Variants in WDR86 observed in about 807,000 individuals in gnomAD.
WDR86 encodes WD repeat-containing protein 86.
Under a neutral mutation model 36.5 loss-of-function variants are expected in WDR86, and 30 were observed. The observed-to-expected ratio is 0.82, with a 90% confidence interval of 0.61 to 1.11. WDR86 has a LOEUF of 1.11. Among genes scored for constraint, WDR86 ranks in the 50% most tolerant of loss-of-function variants. The probability of loss-of-function intolerance (pLI) is 0.00; values close to 1 mark genes in which losing one functional copy is unlikely to be tolerated. For synonymous variants in WDR86, 255 were observed against 252.9 expected (o/e 1.01, Z -0.08); for missense variants, 545 against 561.2 (o/e 0.97, Z 0.29).
intron 1 of WDR86, 31 bp from the exon 2 acceptor site, chr7:151,400,272 G>A (rs769303165): frequency 1.6e-5 from 25 of 1,529,844 alleles, no homozygotes; most frequent in South Asian, 1.5e-4. Context: ...AGATGTGAGC[G>A]TACTGGGGAT....
intron 3 of WDR86, among the ~76,000 whole-genome samples, chr7:151,393,426 C>T (rs1477510395): frequency 6.6e-6 from 1 of 152,126 alleles, no homozygotes; most frequent in African/African-American, 2.4e-5. Context: ...ACAGAATACC[C>T]CAGGGAGCGA....
intron 1 of WDR86, among the ~76,000 whole-genome samples, chr7:151,404,432 C>G (rs1011795735): frequency 1.3e-5 from 2 of 152,162 alleles, no homozygotes; most frequent in Non-Finnish European, 2.9e-5. Context: ...GCCAGGCCAA[C>G]AGAGCATGTC....
Position 151,394,280 on chromosome 7 carries a change from G to A in WDR86, c.726+1496C>T, listed in dbSNP as rs988526184. 2.6e-5 allele frequency among the ~76,000 whole-genome samples: 4 copies of A among 152,156 alleles called. No individual in the cohort carries two copies. In the South Asian group the frequency reaches 6.2e-4, roughly 24 times the overall value. The stretch of plus-strand genomic sequence containing the variant: ...GGGACCTGGGTGACCCTCCCTCCAC[G>A]CGAATGTGAGCCCTTCCCTGCTCCC... On this transcript the variant is annotated intron_variant, in intron 3 of 5. Coordinates refer to ENST00000334493, the MANE Select transcript of WDR86 (RefSeq NM_198285.3).
chr7:151,379,287 G>A (rs1434312902), downstream of WDR86, among the ~76,000 whole-genome samples: 3 of 152,166 alleles, frequency 2.0e-5, no homozygotes, highest in South Asian at 2.1e-4. Context: ...GAGTGGGCAT[G>A]GGCGTGTAGC....
chr7:151,379,388 G>A (rs368869034), downstream of WDR86, among the ~76,000 whole-genome samples: 10 of 152,290 alleles, frequency 6.6e-5, no homozygotes, highest in African/African-American at 2.4e-4. Context: ...CTGTCCTTGT[G>A]TTCCTGCCCA....
At chr7:151,403,844 T>C (rs537154457) in intron 1 of WDR86, among the ~76,000 whole-genome samples, 16 of 152,290 alleles carry the variant, frequency 1.1e-4, no homozygotes, top group South Asian at 2.1e-4. Context: ...AGCAGAGAGA[T>C]TGCGGCTGGA....
rs551152986 is a variant in WDR86, at chr7:151,381,277, G to A, written c.*305C>T. 7,515 of 1,312,352 alleles carry A rather than the reference G, an allele frequency of 5.7e-3. 33 individuals carry two copies. Among genetic ancestry groups the A allele is most frequent in the Middle Eastern group, 0.011 (39 of 3,538 alleles). 81.3% of individuals were successfully genotyped at this position (1,312,352 alleles called of 1,614,324 possible). ...GGGGCTGGGGGAGCTGGGGCAGTCC[G>A]CCTGCAGCCCCTGAGGTGGGAGGGT... On this transcript the variant is annotated 3_prime_UTR_variant, in exon 6 of 6. Coordinates refer to ENST00000334493, the MANE Select transcript of WDR86 (RefSeq NM_198285.3). The surrounding 1 kb of genome is among the most constrained non-coding windows in gnomAD (Gnocchi z 4.8).
intron 2 of WDR86, among the ~76,000 whole-genome samples, chr7:151,397,724 G>A (rs1799946706): frequency 9.3e-6 from 1 of 108,080 alleles, no homozygotes; most frequent in Non-Finnish European, 1.8e-5. Context: ...ATAGCGGGAG[G>A]AAGAGGGTGT....
chr7:151,408,970 C>T (rs1563071429), intron 1 of WDR86: 1 of 474,244 alleles, frequency 2.1e-6, no homozygotes, highest in Non-Finnish European at 4.4e-6. Flanking sequence ...TGGCCCTTAA[C>T]AAGCGTCTAC....
chr7:151,402,140 T>G (rs1027038459), intron 1 of WDR86, among the ~76,000 whole-genome samples: 2 of 140,738 alleles, frequency 1.4e-5, no homozygotes, highest in African/African-American at 5.5e-5. Flanking sequence ...TGTGATATAC[T>G]CGGAAGAGGA....
At chr7:151,407,981 C>G (rs138023712) in intron 1 of WDR86, among the ~76,000 whole-genome samples, 10 of 152,202 alleles carry the variant, frequency 6.6e-5, no homozygotes, top group African/African-American at 2.2e-4. Flanking sequence ...TGTTTGGGAG[C>G]AATACCAACT....
intron 3 of WDR86, among the ~76,000 whole-genome samples, chr7:151,389,565 G>A (rs75360183): frequency 0.036 from 5,483 of 152,216 alleles, 350 homozygotes; most frequent in African/African-American, 0.12. Flanking sequence ...TTTCAGAGGC[G>A]ACACAATGGG....
chr7:151,383,747 C>T (rs73727162), intron 4 of WDR86, among the ~76,000 whole-genome samples: 1,903 of 152,316 alleles, frequency 0.012, 43 homozygotes, highest in African/African-American at 0.043. Context: ...CTGGAAAACC[C>T]AGTGTGGCTG....
chr7:151,409,517 G>T lies in WDR86; in HGVS notation c.73C>A (p.Pro25Thr). Reference sequence around the variant, plus strand: ...CCCGTCAGCAGGCGCTGCCCGTCGGGGCTCAGGCTCAGCCAGTTGATGCCC... The same window carrying T: ...CCCGTCAGCAGGCGCTGCCCGTCGGTGCTCAGGCTCAGCCAGTTGATGCCC... ...RGGINWLSLS[P>T]DGQRLLTGSE... Residue 25 changes from proline (P) to threonine (T), a missense_variant, in exon 1 of 6, where the codon CCC becomes ACC. Physicochemically the swap from Pro to Thr is conservative, Grantham distance 38. Transcript: ENST00000334493. This position sits in a 1 kb window ranked among gnomAD's most constrained non-coding sequence, Gnocchi z 5.2. 8 of 1,530,928 alleles carry T rather than the reference G, an allele frequency of 5.2e-6. No homozygotes were observed. The highest frequency in any genetic ancestry group is 7.0e-6 in the Non-Finnish European group (8 of 1,144,734). 94.8% of individuals were successfully genotyped at this position (1,530,928 alleles called of 1,614,324 possible).
intron 1 of WDR86, among the ~76,000 whole-genome samples, chr7:151,407,655 A>G (rs1422355086): frequency 6.6e-6 from 1 of 152,180 alleles, no homozygotes; most frequent in African/African-American, 2.4e-5. Context: ...CCTGGCCAAC[A>G]TGATGAAGCC....
At chr7:151,393,770 T>C (rs1297433707) in intron 3 of WDR86, among the ~76,000 whole-genome samples, 2 of 151,898 alleles carry the variant, frequency 1.3e-5, no homozygotes, top group African/African-American at 2.4e-5. Flanking sequence ...TGCCCCCAGC[T>C]CTTTACGAGT....
In WDR86 at chr7:151,382,723, G is replaced by A. The variant is rs184755272; in HGVS notation, c.863-742C>T. ...TCACTTGGCCTAGGCTGGGCTCTCC[G>A]AAGCCGACCCTGATGCTAGGACTTG... On this transcript the variant is annotated intron_variant, in intron 4 of 5. Transcript: ENST00000334493. Among the ~76,000 whole-genome samples the A allele has an allele frequency of 2.0e-4, 30 of 152,292 alleles. No individual in the cohort carries two copies. The East Asian group carries it at 4.8e-3, about 24-fold the overall frequency.
In WDR86 at chr7:151,390,571, G is replaced by A. The variant is rs1052288635; in HGVS notation, c.726+5205C>T. The stretch of plus-strand genomic sequence containing the variant: ...CAGTCCCACTGGCAGGCATATACCC[G>A]AGAACTGAAGGCAGGATGCACCCAG... On this transcript the variant is annotated intron_variant, in intron 3 of 5. Coordinates refer to ENST00000334493, the MANE Select transcript of WDR86 (RefSeq NM_198285.3). The surrounding 1 kb of genome is among the most constrained non-coding windows in gnomAD (Gnocchi z 4.5). 2.0e-5 allele frequency among the ~76,000 whole-genome samples: 3 copies of A among 152,214 alleles called. No homozygotes were observed. The highest frequency in any genetic ancestry group is 2.9e-5 in the Non-Finnish European group (2 of 68,036).
In WDR86 at chr7:151,395,923, CGT is replaced by C. The variant is rs769453031; in HGVS notation, c.577_578del (p.Thr193GlyfsTer269). 29 of 1,597,852 alleles carry C rather than the reference CGT, an allele frequency of 1.8e-5. No homozygotes were observed. The East Asian group carries it at 6.6e-4, about 36-fold the overall frequency. On this transcript the variant is annotated frameshift_variant, in exon 3 of 6. Coordinates refer to ENST00000334493, the MANE Select transcript of WDR86 (RefSeq NM_198285.3). LOFTEE classifies it high-confidence loss of function. ...GCCHQTLRGH[T>X]GAVLCLVLDT... is the part of the protein sequence containing the mutation. ...CTAGCACTAGGCACAGCACTGCACC[CGT>C]GTGGCCCCGCAGCGTCTGGTGGCAG...
Sources: allele counts gnomAD v4.1 joint callset (sites outside exome capture counted in the v4.1 genomes callset), GRCh38; gene constraint gnomAD v4.1.1; non-coding constraint Gnocchi (gnomAD v3.1); transcripts MANE v1.5; gene names NCBI Gene and HGNC (gene_info 2026-07-23, HGNC 2026-07-21).